Variants in OPHN1 observed in about 807,000 individuals in gnomAD.
OPHN1 encodes the protein oligophrenin 1.
OPHN1 carries 11 observed loss-of-function variants against 60.7 expected under a neutral mutation model. That is an observed-to-expected ratio of 0.18 (90% CI 0.11 to 0.30). OPHN1 has a LOEUF of 0.30. Ranked by LOEUF, OPHN1 falls within the 10% of genes least tolerant of loss-of-function variation. OPHN1 has a pLI of 1.00. For synonymous variants in OPHN1, 226 were observed against 222.6 expected (o/e 1.02, Z -0.14); for missense variants, 449 against 611.0 (o/e 0.73, Z 2.80).
At chrX:68,103,380 AAAT>A (rs2077067845) in intron 18 of OPHN1, among the ~76,000 whole-genome samples, 1 of 112,247 alleles carries the variant, frequency 8.9e-6, no homozygotes, top group Non-Finnish European at 1.9e-5. Context: ...ACATATCTCA[AAAT>A]AATAAGAGAT....
chrX:68,070,425 T>G, intron 20 of OPHN1: 1 of 534,493 alleles, frequency 1.9e-6, no homozygotes. Context: ...TAGCTGAATC[T>G]TGACATGGAA....
At chrX:68,222,636 G>T (rs1028907076) in intron 6 of OPHN1, among the ~76,000 whole-genome samples, 29 of 107,432 alleles carry the variant, frequency 2.7e-4, no homozygotes, top group African/African-American at 8.1e-4. Flanking sequence ...TAGGGACATG[G>T]ATGAAATTGG....
At chrX:68,058,510 C>T (rs768035742) in intron 21 of OPHN1, among the ~76,000 whole-genome samples, 2 of 111,166 alleles carry the variant, frequency 1.8e-5, no homozygotes, top group African/African-American at 3.3e-5. Context: ...GAGGTTAGTT[C>T]GCCTCTTCCT....
intron 19 of OPHN1, among the ~76,000 whole-genome samples, chrX:68,093,403 G>T (rs1393969974): frequency 9.0e-6 from 1 of 111,525 alleles, no homozygotes; most frequent in African/African-American, 3.3e-5. Context: ...TAAAGGTTTT[G>T]TGTGGACATG....
chrX:68,388,834 TAAAAAC>T (rs1049823448), intron 2 of OPHN1, among the ~76,000 whole-genome samples: 51 of 111,093 alleles, frequency 4.6e-4, no homozygotes, highest in African/African-American at 1.6e-3. Context: ...ATATCAAAAA[TAAAAAC>T]AAACTGAATT....
intron 6 of OPHN1, among the ~76,000 whole-genome samples, chrX:68,216,945 C>G (rs769620704): frequency 2.7e-5 from 3 of 112,261 alleles, no homozygotes; most frequent in Admixed American, 9.4e-5. Flanking sequence ...CGAATAGGAA[C>G]AGCTCCGGTC....
At chrX:68,283,676 C>CA (rs753241978) in intron 3 of OPHN1, among the ~76,000 whole-genome samples, 49 of 111,346 alleles carry the variant, frequency 4.4e-4, no homozygotes, top group South Asian at 2.2e-3. Context: ...TCTTTATATA[C>CA]AAAAAAAAGT....
At chrX:68,239,816 A>ATT (rs35695832) in intron 5 of OPHN1, among the ~76,000 whole-genome samples, 1 of 93,589 alleles carries the variant, frequency 1.1e-5, no homozygotes. Context: ...TTCCTTTTCT[A>ATT]TTTTTTTTTT....
chrX:68,195,349 A>C (rs2147460016), intron 12 of OPHN1, among the ~76,000 whole-genome samples: 1 of 112,215 alleles, frequency 8.9e-6, no homozygotes, highest in East Asian at 2.8e-4. Flanking sequence ...AAAGAGATCC[A>C]TGAATACACC....
chrX:68,049,462 T>A (rs1353929102), intron 23 of OPHN1, among the ~76,000 whole-genome samples: 1 of 111,534 alleles, frequency 9.0e-6, no homozygotes, highest in Non-Finnish European at 1.9e-5. Context: ...TGTAGCAAGG[T>A]CTTATTGAGT....
At chrX:68,185,228 C>T (rs1272930506) in intron 15 of OPHN1, among the ~76,000 whole-genome samples, 2 of 112,618 alleles carry the variant, frequency 1.8e-5, no homozygotes. Context: ...TGTGAAACTA[C>T]ATACAACAGA....
intron 15 of OPHN1, among the ~76,000 whole-genome samples, chrX:68,120,855 T>C (rs149821239): frequency 1.8e-5 from 2 of 112,181 alleles, no homozygotes; most frequent in Non-Finnish European, 3.8e-5. Flanking sequence ...TTAGAGTTAA[T>C]TGATTTTTTG....
At position 68,043,679 on chromosome X, in the gene OPHN1, A is replaced by G. The variant is rs1182212974; in HGVS notation, c.*3493T>C. ...TGCATGACACTATAATTGAAATTAGATGCTAAGTTTTGTCCCTCAGTGGCT... is the reference window on the plus strand; with the variant it reads ...TGCATGACACTATAATTGAAATTAGGTGCTAAGTTTTGTCCCTCAGTGGCT... On this transcript the variant is annotated 3_prime_UTR_variant, in exon 25 of 25. Coordinates refer to ENST00000355520, the MANE Select transcript of OPHN1 (RefSeq NM_002547.3). The G allele has an allele frequency of 8.9e-6, 1 of 112,423 alleles. No homozygotes were observed. The highest frequency in any genetic ancestry group is 2.8e-4 in the East Asian group (1 of 3,596). 9.3% of individuals were successfully genotyped at this position (112,423 alleles called of 1,213,427 possible).
chrX:68,377,787 T>C (rs1341663281), intron 2 of OPHN1, among the ~76,000 whole-genome samples: 1 of 111,715 alleles, frequency 9.0e-6, no homozygotes, highest in African/African-American at 3.3e-5. Context: ...TGCATAGTAT[T>C]CCATGGTGTA....
At chrX:68,219,430 C>T (rs1214704810) in intron 6 of OPHN1, among the ~76,000 whole-genome samples, 5 of 104,006 alleles carry the variant, frequency 4.8e-5, no homozygotes, top group South Asian at 9.8e-4. Context: ...CCAAGCGGAC[C>T]TAATAGACAT....
intron 15 of OPHN1, among the ~76,000 whole-genome samples, chrX:68,131,444 G>C (rs1262569429): frequency 9.1e-6 from 1 of 110,458 alleles, no homozygotes; most frequent in Non-Finnish European, 1.9e-5. Flanking sequence ...TTGAACTCCT[G>C]GCCTCAAGTG....
chrX:68,179,682 CA>C (rs2077428681), intron 15 of OPHN1, among the ~76,000 whole-genome samples: 2 of 111,918 alleles, frequency 1.8e-5, no homozygotes, highest in African/African-American at 6.5e-5. Flanking sequence ...TTTCTCCATC[CA>C]CTGCTTCCCA....
intron 18 of OPHN1, among the ~76,000 whole-genome samples, chrX:68,103,281 T>G (rs1243099214): frequency 8.9e-6 from 1 of 112,100 alleles, no homozygotes; most frequent in Non-Finnish European, 1.9e-5. Context: ...AAAAACCACA[T>G]AATTATCTCA....
At chrX:68,137,791 T>C (rs372181113) in intron 15 of OPHN1, among the ~76,000 whole-genome samples, 2 of 111,697 alleles carry the variant, frequency 1.8e-5, no homozygotes, top group Admixed American at 1.9e-4. Context: ...TTAGAAAGGA[T>C]ATGAGTACCA....
Sources: allele counts gnomAD v4.1 joint callset (sites outside exome capture counted in the v4.1 genomes callset), GRCh38; gene constraint gnomAD v4.1.1; transcripts MANE v1.5; gene names NCBI Gene and HGNC (gene_info 2026-07-23, HGNC 2026-07-21).